Variants in TRERF1 observed in about 807,000 individuals in gnomAD.
The protein encoded by TRERF1 is transcriptional-regulating factor 1.
In TRERF1, 27 loss-of-function variants were observed where a neutral mutation model predicts 122.9. The observed-to-expected ratio is 0.22, with a 90% CI of 0.16 to 0.30. The LOEUF is 0.30. Among genes scored for constraint, TRERF1 ranks in the 10% least tolerant of loss-of-function variants. TRERF1 has a pLI of 1.00. For missense variants in TRERF1, 1,248 were observed against 1,560.3 expected (o/e 0.80, Z 3.37); for synonymous variants, 636 against 641.7 (o/e 0.99, Z 0.13).
At chr6:42,290,166 TCCTC>T (rs1784063532) in intron 4 of TRERF1, among the ~76,000 whole-genome samples, 1 of 152,168 alleles carries the variant, frequency 6.6e-6, no homozygotes. Flanking sequence ...GGTCATGTCT[TCCTC>T]ACACCAGTCA....
At chr6:42,398,342 G>C (rs926512888) in intron 2 of TRERF1, among the ~76,000 whole-genome samples, 1 of 152,188 alleles carries the variant, frequency 6.6e-6, no homozygotes, top group East Asian at 1.9e-4. Context: ...TCACCTCTGA[G>C]TTTGTGCAGT....
At chr6:42,430,916 C>T (rs1212697319) in intron 2 of TRERF1, among the ~76,000 whole-genome samples, 6 of 148,906 alleles carry the variant, frequency 4.0e-5, no homozygotes, top group Non-Finnish European at 7.4e-5. Context: ...AAAAAATTAG[C>T]CGGGTGTTGT....
chr6:42,313,711 C>T (rs1762047935), intron 3 of TRERF1, among the ~76,000 whole-genome samples: 1 of 152,110 alleles, frequency 6.6e-6, no homozygotes, highest in East Asian at 1.9e-4. Context: ...ATTGGGGAGG[C>T]TGGCAGGGTT....
chr6:42,435,961 C>A (rs371771227), intron 2 of TRERF1, among the ~76,000 whole-genome samples: 2 of 151,780 alleles, frequency 1.3e-5, no homozygotes, highest in East Asian at 1.9e-4. Flanking sequence ...GCCCAGGCGA[C>A]AGTGCGAGAC....
chr6:42,288,099 A>G (rs1425809563), intron 4 of TRERF1, among the ~76,000 whole-genome samples: 1 of 151,978 alleles, frequency 6.6e-6, no homozygotes, highest in Non-Finnish European at 1.5e-5. Context: ...CCCTTCCCTG[A>G]TCCTCAGCCA....
At chr6:42,352,590 A>G (rs973735661) in intron 3 of TRERF1, among the ~76,000 whole-genome samples, 12 of 152,228 alleles carry the variant, frequency 7.9e-5, no homozygotes, top group Non-Finnish European at 1.6e-4. Context: ...CTCAAAGGAA[A>G]AAAAATCTAG....
chr6:42,362,278 C>G (rs260248), intron 3 of TRERF1, among the ~76,000 whole-genome samples: 9 of 152,196 alleles, frequency 5.9e-5, no homozygotes, highest in African/African-American at 2.2e-4. Context: ...GAGCCTCATA[C>G]AGGAGGAATG....
At chr6:42,257,654 C>T (rs988815036) in intron 10 of TRERF1, among the ~76,000 whole-genome samples, 21 of 152,176 alleles carry the variant, frequency 1.4e-4, no homozygotes, top group Admixed American at 3.3e-4. Context: ...ATCTACTCAC[C>T]ACTCTACCAC....
At chr6:42,309,950 G>C (rs1787952478) in intron 3 of TRERF1, among the ~76,000 whole-genome samples, 1 of 151,864 alleles carries the variant, frequency 6.6e-6, no homozygotes, top group Non-Finnish European at 1.5e-5. Context: ...CTTTAGCAGA[G>C]ACAGGTTTCT....
Position 42,267,437 on chromosome 6 carries a change from G to C in TRERF1, c.1437+717C>G, listed in dbSNP as rs535959980. 6.6e-5 allele frequency among the ~76,000 whole-genome samples: 10 copies of C among 152,268 alleles called. No individual in the cohort carries two copies. In the South Asian group the frequency reaches 1.5e-3, roughly 22 times the overall value. On this transcript the variant is annotated intron_variant, in intron 5 of 17. Transcript: ENST00000372922. ...TGAGGTCGGAGTTTGAGACCAGCCT[G>C]ACCAACATGGTGAAACCTTGTCTCT... is the stretch of plus-strand genomic sequence containing the variant.
At chr6:42,264,653 A>G in intron 7 of TRERF1, 51 bp downstream of exon 7, 1 of 1,593,108 alleles carries the variant, frequency 6.3e-7, no homozygotes, top group South Asian at 1.1e-5. Context: ...GCAGCAAAGC[A>G]AAGCAAGCAG....
intron 3 of TRERF1, among the ~76,000 whole-genome samples, chr6:42,314,482 G>A (rs963851283): frequency 3.9e-5 from 6 of 152,216 alleles, no homozygotes; most frequent in African/African-American, 1.4e-4. Flanking sequence ...TACTGGCCGA[G>A]TGCCTCAATG....
chr6:42,418,850 G>T (rs1175597845), intron 2 of TRERF1, among the ~76,000 whole-genome samples: 1 of 152,164 alleles, frequency 6.6e-6, no homozygotes, highest in Non-Finnish European at 1.5e-5. Context: ...TTTCACAACT[G>T]CTGTCTAATT....
chr6:42,406,801 C>T (rs1780253635), intron 2 of TRERF1, among the ~76,000 whole-genome samples: 1 of 152,076 alleles, frequency 6.6e-6, no homozygotes, highest in African/African-American at 2.4e-5. Context: ...TTTGTGTAAC[C>T]ACTCCCTCTG....
intron 4 of TRERF1, among the ~76,000 whole-genome samples, chr6:42,280,095 G>T (rs994966826): frequency 2.6e-5 from 4 of 152,078 alleles, no homozygotes; most frequent in Admixed American, 6.6e-5. Context: ...GTGCCACGGG[G>T]AGCATTCTGT....
At chr6:42,296,662 C>T (rs1785160274) in intron 4 of TRERF1, among the ~76,000 whole-genome samples, 1 of 152,086 alleles carries the variant, frequency 6.6e-6, no homozygotes, top group Non-Finnish European at 1.5e-5. Context: ...GACTCCCCTC[C>T]AATGAAAGGC....
chr6:42,315,893 T>C lies in TRERF1; in HGVS notation c.-370-15144A>G, dbSNP rs1339318703. ...TGAAGAGGAGGGACTTGGGTGGGGG[T>C]GCTCTCCTTTCAGGGGAGAGGACCC... On this transcript the variant is annotated intron_variant, in intron 3 of 17. Coordinates refer to ENST00000372922, the Ensembl canonical transcript of TRERF1. Among the ~76,000 whole-genome samples the C allele has an allele frequency of 3.3e-5, 5 of 151,544 alleles. No individual in the cohort carries two copies. The South Asian group carries it at 8.3e-4, about 25-fold the overall frequency.
intron 3 of TRERF1, among the ~76,000 whole-genome samples, chr6:42,327,956 T>A (rs1032153097): frequency 6.6e-6 from 1 of 151,834 alleles, no homozygotes; most frequent in Non-Finnish European, 1.5e-5. Context: ...CACCTTATTA[T>A]GGTTTTCATG....
chr6:42,415,910 T>C (rs1458230458), intron 2 of TRERF1, among the ~76,000 whole-genome samples: 1 of 152,164 alleles, frequency 6.6e-6, no homozygotes, highest in African/African-American at 2.4e-5. Context: ...ACACTTCACA[T>C]GTATAGGAAA....
Sources: gnomAD v4.1 joint callset for allele counts (sites outside exome capture counted in the v4.1 genomes callset) on GRCh38, gnomAD v4.1.1 for gene constraint, MANE v1.5 for transcripts, NCBI Gene and HGNC (gene_info 2026-07-23, HGNC 2026-07-21) for gene names.